AATK: variants seen among roughly 807,000 people sequenced by gnomAD.
AATK encodes the protein lemur tail kinase 1.
Under a neutral mutation model 114.3 loss-of-function variants are expected in AATK, and 91 were observed. The observed-to-expected ratio is 0.80, with a 90% CI of 0.67 to 0.95. The LOEUF is 0.95. Among genes scored for constraint, AATK ranks in the 40% least tolerant of loss-of-function variants. The pLI is 0.00. For synonymous variants in AATK, 1,075 were observed against 916.5 expected, an observed-to-expected ratio of 1.17 and a Z score of -3.12; for missense variants, 2,176 against 1,965.2, an observed-to-expected ratio of 1.11 and a Z score of -2.03.
In AATK at chr17:81,127,064, G is replaced by A. The variant is rs1178489721; in HGVS notation, c.622-504C>T. 3.3e-4 allele frequency among the ~76,000 whole-genome samples: 48 copies of A among 147,062 alleles called. 1 individual carries two copies. Among genetic ancestry groups the A allele is most frequent in the African/African-American group, 1.2e-3 (48 of 40,010 alleles). On this transcript the variant is annotated intron_variant, in intron 6 of 13. Transcript: ENST00000326724. Reference sequence around the variant, plus strand: ...CATATGTGGAAGGGGGTGGGGGGCAGGTCTCGGGGGAGGGGGAGACGGGTC... The same window carrying A: ...CATATGTGGAAGGGGGTGGGGGGCAAGTCTCGGGGGAGGGGGAGACGGGTC...
rs964151994 is a variant in AATK at position 81,120,667 on chromosome 17, C to T, written c.3269G>A (p.Arg1090Gln). The T allele has an allele frequency of 1.3e-5, 19 of 1,518,060 alleles. No homozygotes were observed. Among genetic ancestry groups the T allele is most frequent in the Admixed American group, 2.3e-5 (1 of 44,310 alleles). The allele number at this position is 1,518,060 out of a possible 1,614,324, so 94.0% of individuals were successfully genotyped here. ...PPEPQGPAKVRPGPSPSCSQF... is the reference protein window; with the variant it reads ...PPEPQGPAKVQPGPSPSCSQF... The stretch of plus-strand genomic sequence containing the variant: ...GGAGCAGCTGGGGCTGGGCCCAGGC[C>T]GCACCTTGGCTGGGCCTTGGGGCTC... The change falls in exon 11 of 14, where the codon CGG (arginine) becomes CAG (glutamine). Residue 1090 changes from arginine to glutamine, a missense_variant. Physicochemically the swap from Arg to Gln is conservative, Grantham distance 43. Coordinates refer to ENST00000326724, the MANE Select transcript of AATK (RefSeq NM_001080395.3).
At position 81,122,735 on chromosome 17, in the gene AATK, T is replaced by G. The variant is rs533169152; in HGVS notation, c.1201A>C (p.Lys401Gln). ...VHLLLSYLCA[K>Q]GATEAEEEFE... ...TCCTCCTCTGCTTCGGTGGCGCCCT[T>G]GGCACACAGGTAGGACAGCAGCAGG... The change falls in exon 11 of 14, where the codon AAG (lysine) becomes CAG (glutamine). Residue 401 changes from lysine to glutamine, a missense_variant. Lys to Gln is a moderately conservative substitution (Grantham distance 53, BLOSUM62 1). Transcript: ENST00000326724. 24 of 1,597,568 alleles carry G rather than the reference T, an allele frequency of 1.5e-5. No homozygotes were observed. The highest frequency in any genetic ancestry group is 1.7e-4 in the Middle Eastern group (1 of 6,038).
At chr17:81,125,121 A>G (rs895913661) in intron 7 of AATK, 107 bp from the exon 8 acceptor site, 12 of 873,882 alleles carry the variant, frequency 1.4e-5, no homozygotes, top group Non-Finnish European at 1.8e-5. Flanking sequence ...GGCATCCAGC[A>G]CAGGGTCCTT....
intron 2 of AATK, chr17:81,132,592 G>A (rs946502978): frequency 6.7e-5 from 15 of 223,086 alleles, no homozygotes; most frequent in African/African-American, 2.8e-4. Flanking sequence ...TCTGGGCTTT[G>A]TAGAGGGGCC....
At chr17:81,122,955 C>T in intron 10 of AATK, 132 bp from the exon 11 acceptor site, 1 of 1,005,728 alleles carries the variant, frequency 9.9e-7, no homozygotes, top group Non-Finnish European at 1.4e-6. Flanking sequence ...TTAATTGACA[C>T]CCCAAATCTG....
In AATK at chr17:81,162,846, G is replaced by A. The variant is rs113809432; in HGVS notation, c.55+3092C>T. On this transcript the variant is annotated intron_variant, in intron 1 of 13. Coordinates refer to ENST00000326724, the MANE Select transcript of AATK (RefSeq NM_001080395.3). ...GGGGAGAGGCGGGGGTTGGGGGGTG[G>A]CAAATCCAGGCTGCCACGTGTTCCG... Among the ~76,000 whole-genome samples, 30 of 152,200 alleles carry A rather than the reference G, an allele frequency of 2.0e-4. 1 individual carries two copies. Among genetic ancestry groups the A allele is most frequent in the African/African-American group, 6.3e-4 (26 of 41,530 alleles).
chr17:81,150,109 G>A (rs559586211), intron 1 of AATK, among the ~76,000 whole-genome samples: 18 of 152,210 alleles, frequency 1.2e-4, no homozygotes, highest in Middle Eastern at 6.8e-3. Context: ...CTGAGGGGAG[G>A]GGGATGGGGA....
rs1417961693 is a variant in AATK at position 81,122,376 on chromosome 17, G to A, written c.1560C>T (p.Ser520=). The A allele has an allele frequency of 8.7e-6, 13 of 1,496,712 alleles. 1 individual carries two copies. Among genetic ancestry groups the A allele is most frequent in the Middle Eastern group, 1.9e-4 (1 of 5,250 alleles). 92.7% of individuals were successfully genotyped at this position (1,496,712 alleles called of 1,614,324 possible). A position where few individuals can be genotyped will look rare whatever the true frequency, so the allele number is the denominator to read the frequency against. ...CGCTGCCCAGCGACGGGCTGTGCGC[G>A]CTGAGCACCGGAACCACGCCCGGGG... is the stretch of plus-strand genomic sequence containing the variant. ...GAPPGVVPVL[S]AHSPSLGSEY... Residue 520 remains serine (S), a synonymous_variant, in exon 11 of 14, where the codon AGC becomes AGT. Coordinates refer to ENST00000326724, the MANE Select transcript of AATK (RefSeq NM_001080395.3).
intron 2 of AATK, chr17:81,131,911 C>T: frequency 7.5e-7 from 1 of 1,340,088 alleles, no homozygotes; most frequent in Non-Finnish European, 9.9e-7. Context: ...CCTGCCACCG[C>T]CATCTGCCCC....
At chr17:81,123,731 A>C (rs1161125264) in intron 9 of AATK, among the ~76,000 whole-genome samples, 1 of 6,048 alleles carries the variant, frequency 1.7e-4, no homozygotes. Context: ...GGGCTGAGGG[A>C]GGGGGAGGGA....
intron 2 of AATK, chr17:81,133,055 G>A (rs562225240): frequency 2.8e-5 from 9 of 322,432 alleles, no homozygotes; most frequent in Non-Finnish European, 4.9e-5. Context: ...AGGCGCCTGC[G>A]CGGCCTGGCC....
chr17:81,128,202 T>C (rs77741870), intron 4 of AATK, among the ~76,000 whole-genome samples: 1 of 152,172 alleles, frequency 6.6e-6, no homozygotes. Flanking sequence ...GTGTCTCGTT[T>C]AGGCCAAGGT....
chr17:81,117,431 A>G lies in AATK; in HGVS notation c.*971T>C, dbSNP rs1035873825. ...TAAACTTTACATCTCTTTGGCAACA[A>G]TAACTTAAAATCACCCAACTTCCAT... On this transcript the variant is annotated 3_prime_UTR_variant, in exon 14 of 14. Transcript: ENST00000326724. The G allele has an allele frequency of 1.3e-5, 2 of 152,310 alleles. No homozygotes were observed. The highest frequency in any genetic ancestry group is 2.9e-5 in the Non-Finnish European group (2 of 68,056). The allele number at this position is 152,310 out of a possible 1,614,324, so 9.4% of individuals were successfully genotyped here.
chr17:81,144,278 A>C (rs1407581772), intron 1 of AATK, among the ~76,000 whole-genome samples: 1 of 152,238 alleles, frequency 6.6e-6, no homozygotes, highest in African/African-American at 2.4e-5. Context: ...ATGGATCAGG[A>C]TCAGCAAAGC....
intron 2 of AATK, chr17:81,133,342 TC>T (rs1482792385): frequency 5.2e-6 from 2 of 383,828 alleles, no homozygotes; most frequent in Non-Finnish European, 1.1e-5. Context: ...CCATTCTGCG[TC>T]ATGACATACC....
Position 81,126,952 on chromosome 17 carries a change from C to A in AATK, c.622-392G>T, listed in dbSNP as rs144109369. On this transcript the variant is annotated intron_variant, in intron 6 of 13. Coordinates refer to ENST00000326724, the MANE Select transcript of AATK (RefSeq NM_001080395.3). The surrounding 1 kb of genome is among the most constrained non-coding windows in gnomAD (Gnocchi z 5.1). ...GGACGGTCAACGTCAGGAGTCCAGA[C>A]GCCAGTGTGTGAGGGCCCCTGTCCC... 4.5e-6 allele frequency: 3 copies of A among 662,618 alleles called. No individual in the cohort carries two copies. Among genetic ancestry groups the A allele is most frequent in the Admixed American group, 4.9e-5 (1 of 20,468 alleles). The allele number at this position is 662,618 out of a possible 1,614,324, so 41.0% of individuals were successfully genotyped here.
intron 7 of AATK, 187 bp from the exon 8 acceptor site, chr17:81,125,201 G>T: frequency 3.0e-6 from 2 of 662,200 alleles, no homozygotes; most frequent in Non-Finnish European, 5.5e-6. Context: ...CCCCATCCCT[G>T]CCCAGGGCCC....
chr17:81,121,829 C>G lies in AATK; in HGVS notation c.2107G>C (p.Gly703Arg), dbSNP rs7503604. ...PESWDPVSAG[G>R]HAEGCPSPKQ... ...GGACTGGGGCAGCCCTCAGCGTGGC[C>G]GCCCGCAGAGACGGGGTCCCAGGAC... The change falls in exon 11 of 14, where the codon GGC becomes CGC. Residue 703 changes from glycine to arginine, a missense_variant. By Grantham distance (125) the Gly-to-Arg change is moderately radical (BLOSUM62 -2). Transcript: ENST00000326724. 69 of 1,588,738 alleles carry G rather than the reference C, an allele frequency of 4.3e-5. No homozygotes were observed. The highest frequency in any genetic ancestry group is 5.6e-5 in the Non-Finnish European group (66 of 1,174,302).
At chr17:81,150,642 G>A (rs1433018187) in intron 1 of AATK, among the ~76,000 whole-genome samples, 1 of 151,894 alleles carries the variant, frequency 6.6e-6, no homozygotes, top group Non-Finnish European at 1.5e-5. Flanking sequence ...CTCATCCAAT[G>A]TCTCTGGGGA....
Sources: gnomAD v4.1 joint callset for allele counts (sites outside exome capture counted in the v4.1 genomes callset) on GRCh38, gnomAD v4.1.1 for gene constraint, Gnocchi (gnomAD v3.1) non-coding constraint, MANE v1.5 for transcripts, NCBI Gene and HGNC (gene_info 2026-07-23, HGNC 2026-07-21) for gene names.